Variants in TTN observed in about 807,000 individuals in gnomAD.
TTN encodes the protein connectin.
Under a neutral mutation model 3,223.0 loss-of-function variants are expected in TTN, and 1,525 were observed. That is an observed-to-expected ratio of 0.47 (90% CI 0.45 to 0.49). The LOEUF (loss-of-function observed/expected upper bound fraction) is 0.49, where lower values mean the gene tolerates loss of function less well. Among genes scored for constraint, TTN ranks in the 20% least tolerant of loss-of-function variants. TTN has a pLI of 0.00. For synonymous variants in TTN, 14,094 were observed against 15,161.0 expected (o/e 0.93, Z 5.17); for missense variants, 40,786 against 43,424.0 (o/e 0.94, Z 5.40).
chr2:178,725,080 G>T, intron 71 of TTN: 1 of 329,180 alleles, frequency 3.0e-6, no homozygotes, highest in Non-Finnish European at 5.4e-6. Context: ...TGTAGCACAT[G>T]CTGGGCTCTG....
intron 79 of TTN, 32 bp from the exon 80 acceptor site, chr2:178,720,695 C>T: frequency 2.6e-6 from 4 of 1,536,218 alleles, no homozygotes; most frequent in Non-Finnish European, 3.5e-6. Context: ...ACAATGAGAA[C>T]ACTTGCTTAC....
chr2:178,566,720 T>C lies in TTN; in HGVS notation c.79412A>G (p.Glu26471Gly). ...VSAENAAGVG[E>G]PSPATVYYKA... ...ATAATAAACTGTAGCTGGACTTGGT[T>C]CCCCAACTCCAGCAGCATTTTCTGC... The change falls in exon 326 of 363, where the codon GAA (glutamate) becomes GGA (glycine). Residue 26471 changes from glutamate to glycine, a missense_variant. Glu to Gly is a moderately conservative substitution (Grantham distance 98). Coordinates refer to ENST00000589042, the MANE Select transcript of TTN (RefSeq NM_001267550.2). The C allele has an allele frequency of 6.2e-7, 1 of 1,613,444 alleles. No homozygotes were observed.
Position 178,669,451 on chromosome 2 carries a change from T to A in TTN, c.35471-4A>T. 1.3e-6 allele frequency: 2 copies of A among 1,544,068 alleles called. No individual in the cohort carries two copies. Among genetic ancestry groups the A allele is most frequent in the African/African-American group, 2.8e-5 (2 of 71,836 alleles). ...CTTTTCTTAGGCATCCCAGGAACTT[T>A]AAAGATATTAGTATATTAATTGTTA... On this transcript the variant is annotated splice_region_variant and splice_polypyrimidine_tract_variant and intron_variant, in intron 158 of 362. Transcript: ENST00000589042.
At position 178,562,920 on chromosome 2, in the gene TTN, T is replaced by G. The variant is rs761518060; in HGVS notation, c.83212A>C (p.Arg27738=). Residue 27738 remains arginine (R), a synonymous_variant, in exon 326 of 363, where the codon AGA becomes CGA. Transcript: ENST00000589042. ...FTMLVIDNVT[R]FDSGRYNLTL... ...AGATTATACCGACCACTGTCAAATC[T>G]GGTAACATTATCAATCACCAACATT... 2.5e-6 allele frequency: 4 copies of G among 1,613,490 alleles called. No individual in the cohort carries two copies. The Admixed American group carries it at 6.7e-5, about 27-fold the overall frequency.
Position 178,543,975 on chromosome 2 carries a change from T to A in TTN, c.96169A>T (p.Ser32057Cys). The A allele has an allele frequency of 6.2e-7, 1 of 1,613,740 alleles. No homozygotes were observed. The highest frequency in any genetic ancestry group is 8.5e-7 in the Non-Finnish European group (1 of 1,179,720). The part of the protein sequence containing the change: ...TWSKQGIDLA[S>C]RAIIDTTESY... ...TCAGTGGTGTCAATAATTGCCCGGC[T>A]TGCAAGGTCAATGCCCTGCTTGCTC... The change falls in exon 346 of 363, where the codon AGC (serine) becomes TGC (cysteine). Residue 32057 changes from serine to cysteine, a missense_variant. Ser to Cys is a moderately radical substitution (Grantham distance 112). Coordinates refer to ENST00000589042, the MANE Select transcript of TTN (RefSeq NM_001267550.2).
Position 178,667,324 on chromosome 2 carries a change from A to G in TTN, c.35714-5T>C. The G allele has an allele frequency of 6.3e-7, 1 of 1,596,218 alleles. No individual in the cohort carries two copies. The highest frequency in any genetic ancestry group is 2.3e-5 in the East Asian group (1 of 44,392). On this transcript the variant is annotated splice_region_variant and splice_polypyrimidine_tract_variant and intron_variant, in intron 161 of 362. Transcript: ENST00000589042. ...TGCCTCTGGTTGTATCAGGTTCTTT[A>G]AAGATATTAGTAGGTTTACATTTAA...
rs771082157 is a variant in TTN, at chr2:178,571,739, A to G, written c.74393T>C (p.Ile24798Thr). ...AAGAACGATAACATTAAGGGTTTCA[A>G]TAGCTTCACCAGCTGAGTTAGTCAG... is the stretch of plus-strand genomic sequence containing the variant. ...VKLTNSAGEAIETLNVIVLDK... is the reference protein window; with the variant it reads ...VKLTNSAGEATETLNVIVLDK... The change falls in exon 326 of 363, where the codon ATT becomes ACT. Residue 24798 changes from isoleucine to threonine, a missense_variant. By Grantham distance (89) the Ile-to-Thr change is moderately conservative. Transcript: ENST00000589042. The G allele has an allele frequency of 3.1e-6, 5 of 1,613,352 alleles. No individual in the cohort carries two copies. The South Asian group carries it at 3.3e-5, about 11-fold the overall frequency.
rs755451227 is a variant in TTN at position 178,607,939 on chromosome 2, C to A, written c.52848G>T (p.Trp17616Cys). Reference sequence around the variant, plus strand: ...TGATCATCTTCTCTGTGCAGCGTGACCATTCATTTGTGCCAACCAACTGCT... The same window carrying A: ...TGATCATCTTCTCTGTGCAGCGTGAACATTCATTTGTGCCAACCAACTGCT... Reference protein sequence around the residue: ...VDKQLVGTNEWSRCTEKMIKV... With the variant: ...VDKQLVGTNECSRCTEKMIKV... The change falls in exon 276 of 363, where the codon TGG becomes TGT. Residue 17616 changes from tryptophan (W) to cysteine (C), a missense_variant. Transcript: ENST00000589042. 6 of 1,612,934 alleles carry A rather than the reference C, an allele frequency of 3.7e-6. No individual in the cohort carries two copies. Among genetic ancestry groups the A allele is most frequent in the Non-Finnish European group, 5.1e-6 (6 of 1,179,268 alleles).
In TTN at chr2:178,636,179, A is replaced by G. The variant is rs746036347; in HGVS notation, c.41392T>C (p.Leu13798=). The change falls in exon 226 of 363, where the codon TTG becomes CTG. Residue 13798 remains leucine (L), a synonymous_variant. Coordinates refer to ENST00000589042, the MANE Select transcript of TTN (RefSeq NM_001267550.2). The surrounding 1 kb of genome is among the most constrained non-coding windows in gnomAD (Gnocchi z 4.3). ...EEVTVVKGQP[L]YLSCELNKER... is the part of the protein sequence containing the mutation. ...TTGTTTAACTCGCAGCTCAAGTACA[A>G]TGGCTGTCCTTTGACCACTGTGACT... 1.2e-6 allele frequency: 2 copies of G among 1,612,052 alleles called. No homozygotes were observed. Among genetic ancestry groups the G allele is most frequent in the Non-Finnish European group, 1.7e-6 (2 of 1,178,906 alleles).
In TTN at chr2:178,607,417, G is replaced by T; in HGVS notation, c.53271C>A (p.Ala17757=). The change falls in exon 277 of 363, where the codon GCC becomes GCA. Residue 17757 remains alanine, a synonymous_variant. Coordinates refer to ENST00000589042, the MANE Select transcript of TTN (RefSeq NM_001267550.2). ...TNSCGSKFAA[A]RVEVFDVPGP... is the part of the protein sequence containing the mutation. Reference sequence around the variant, plus strand: ...ATTCCTTACCAAAAACTTCTACCCTGGCTGCTGCAAATTTGGAACCACAGC... The same window carrying T: ...ATTCCTTACCAAAAACTTCTACCCTTGCTGCTGCAAATTTGGAACCACAGC... 2 of 1,613,088 alleles carry T rather than the reference G, an allele frequency of 1.2e-6. No homozygotes were observed. Among genetic ancestry groups the T allele is most frequent in the African/African-American group, 2.7e-5 (2 of 74,964 alleles).
In TTN at chr2:178,664,652, A is replaced by T; in HGVS notation, c.36202+2T>A. 3.7e-6 allele frequency: 6 copies of T among 1,612,332 alleles called. No individual in the cohort carries two copies. Among genetic ancestry groups the T allele is most frequent in the Non-Finnish European group, 5.1e-6 (6 of 1,179,624 alleles). On this transcript the variant is annotated splice_donor_variant, in intron 167 of 362. Transcript: ENST00000589042. LOFTEE classifies it high-confidence loss of function. ...CCCCTCTAAGCTTCCAGCAAGATATACCTTCATCAGGAAGGACTTCAGGCT... is the reference window on the plus strand; with the variant it reads ...CCCCTCTAAGCTTCCAGCAAGATATTCCTTCATCAGGAAGGACTTCAGGCT...
Position 178,621,566 on chromosome 2 carries a change from G to T in TTN, c.45258C>A (p.Ile15086=), listed in dbSNP as rs1576562991. Residue 15086 remains isoleucine, a synonymous_variant, in exon 245 of 363, where the codon ATC becomes ATA. Coordinates refer to ENST00000589042, the MANE Select transcript of TTN (RefSeq NM_001267550.2). ...YEILTEGRKR[I]LVIQNAHLED... is the part of the protein sequence containing the mutation. ...CAAGGTGAGCGTTCTGAATGACCAG[G>T]ATTCTCTTCCGTCCTTCAGTCAGTA... 6.8e-6 allele frequency: 11 copies of T among 1,612,324 alleles called. No individual in the cohort carries two copies. In the East Asian group the frequency reaches 2.5e-4, roughly 36 times the overall value.
Position 178,711,138 on chromosome 2 carries a change from G to C in TTN, c.28098C>G (p.Ser9366Arg), listed in dbSNP as rs374930292. 14 of 1,613,738 alleles carry C rather than the reference G, an allele frequency of 8.7e-6. No homozygotes were observed. The African/African-American group carries it at 1.9e-4, about 22-fold the overall frequency. Residue 9366 changes from serine to arginine, a missense_variant, in exon 97 of 363, where the codon AGC becomes AGG. Ser to Arg is a moderately radical substitution (Grantham distance 110, BLOSUM62 -1). Coordinates refer to ENST00000589042, the MANE Select transcript of TTN (RefSeq NM_001267550.2). ...ATLNIFKTDR[S>R]LAGQYSCTAT... ...CTGTGCAGGAATACTGGCCTGCAAG[G>C]CTCCGGTCAGTTTTAAAAATATTGA...
chr2:178,550,362 G>C (rs879830495), intron 336 of TTN, 89 bp from the exon 337 acceptor site: 1 of 1,098,236 alleles, frequency 9.1e-7, no homozygotes, highest in Non-Finnish European at 1.3e-6. Context: ...ATATCACAAG[G>C]CCAGGAAGAG....
At chr2:178,753,422 C>A (rs182505024) in intron 46 of TTN, 25 of 398,838 alleles carry the variant, frequency 6.3e-5, no homozygotes, top group Non-Finnish European at 8.6e-5. Flanking sequence ...ACTTTTAGTT[C>A]TATAATTCCC....
rs1235697597 is a variant in TTN, at chr2:178,678,807, C to A, written c.33766G>T (p.Val11256Leu). 4 of 1,600,402 alleles carry A rather than the reference C, an allele frequency of 2.5e-6. No individual in the cohort carries two copies. Among genetic ancestry groups the A allele is most frequent in the Non-Finnish European group, 3.4e-6 (4 of 1,175,376 alleles). ...GGTACTGGTACTTTCTCCTCTGGCA[C>A]AGGTTTCTTGGGCACTTCAGGAACT... is the stretch of plus-strand genomic sequence containing the variant. Reference protein sequence around the residue: ...AKVPEVPKKPVPEEKVPVPVP... With the variant: ...AKVPEVPKKPLPEEKVPVPVP... Residue 11256 changes from valine (V) to leucine (L), a missense_variant, in exon 143 of 363, where the codon GTG becomes TTG. Physicochemically the swap from Val to Leu is conservative, Grantham distance 32 (BLOSUM62 1). Transcript: ENST00000589042.
chr2:178,780,277 T>C, intron 21 of TTN, 72 bp from the exon 22 acceptor site: 1 of 1,354,282 alleles, frequency 7.4e-7, no homozygotes, highest in South Asian at 1.2e-5. Context: ...TGCATTCAGG[T>C]AAACTCTACA....
At position 178,608,844 on chromosome 2, in the gene TTN, T is replaced by C; in HGVS notation, c.52167A>G (p.Lys17389=). ...EDIRKTSVLC[K]WEPPLDDGGS... ...CACCATCATCAAGGGGTGGTTCCCATTTACAAAGGACTGAGGTCTTTCTGA... is the reference window on the plus strand; with the variant it reads ...CACCATCATCAAGGGGTGGTTCCCACTTACAAAGGACTGAGGTCTTTCTGA... The change falls in exon 274 of 363, where the codon AAA becomes AAG. Residue 17389 remains lysine, a synonymous_variant. Transcript: ENST00000589042. 1 of 1,612,354 alleles carries C rather than the reference T, an allele frequency of 6.2e-7. No individual in the cohort carries two copies. Among genetic ancestry groups the C allele is most frequent in the Non-Finnish European group, 8.5e-7 (1 of 1,179,222 alleles).
chr2:178,652,364 G>T lies in TTN; in HGVS notation c.39128-17C>A. 3 of 1,613,354 alleles carry T rather than the reference G, an allele frequency of 1.9e-6. No homozygotes were observed. The highest frequency in any genetic ancestry group is 2.5e-6 in the Non-Finnish European group (3 of 1,179,586). On this transcript the variant is annotated splice_polypyrimidine_tract_variant and intron_variant, in intron 202 of 362. Coordinates refer to ENST00000589042, the MANE Select transcript of TTN (RefSeq NM_001267550.2). ...CCTCAGGCACTTGAAAGATAATAGT[G>T]AAATTACATTTAGGCATTATGAAGA...
Sources: allele counts gnomAD v4.1 joint callset, GRCh38; gene constraint gnomAD v4.1.1; non-coding constraint Gnocchi (gnomAD v3.1); transcripts MANE v1.5; gene names NCBI Gene and HGNC (gene_info 2026-07-23, HGNC 2026-07-21).